Variants in PPM1H observed in about 807,000 individuals in gnomAD.
PPM1H encodes the protein protein phosphatase, Mg2+/Mn2+ dependent 1H, also known as protein phosphatase 1H.
Under a neutral mutation model 54.9 loss-of-function variants are expected in PPM1H, and 27 were observed. The observed-to-expected ratio is 0.49, with a 90% CI of 0.36 to 0.68. The LOEUF (loss-of-function observed/expected upper bound fraction) is 0.68. Among genes scored for constraint, PPM1H ranks in the 30% least tolerant of loss-of-function variants. PPM1H has a pLI of 0.00. For synonymous variants in PPM1H, 305 were observed against 270.8 expected (o/e 1.13, Z -1.24); for missense variants, 596 against 667.8 (o/e 0.89, Z 1.19).
chr12:62,857,222 TAACAAACA>T (rs10546839), intron 1 of PPM1H, among the ~76,000 whole-genome samples: 1 of 151,318 alleles, frequency 6.6e-6, no homozygotes, highest in East Asian at 2.0e-4. Flanking sequence ...TCAAATATTT[TAACAAACA>T]AACAAATAAA....
At chr12:62,845,558 T>A (rs912598567) in intron 1 of PPM1H, among the ~76,000 whole-genome samples, 1 of 152,196 alleles carries the variant, frequency 6.6e-6, no homozygotes, top group Non-Finnish European at 1.5e-5. Context: ...TTGACTTGAC[T>A]TCCTATCCCC....
At chr12:62,739,272 G>T (rs1483205785) in intron 4 of PPM1H, among the ~76,000 whole-genome samples, 3 of 152,168 alleles carry the variant, frequency 2.0e-5, no homozygotes, top group Non-Finnish European at 4.4e-5. Context: ...CCACTAAGGT[G>T]TTATCCACCA....
rs150358601 is a variant in PPM1H, at chr12:62,691,123, C to T, written c.1138-1317G>A. ...AAGTTTAGAGGAGGTAAAAATTCTA[C>T]TGAGAAGGCTCCACGGAGGAGGTGG... On this transcript the variant is annotated intron_variant, in intron 7 of 9. Transcript: ENST00000228705. Among the ~76,000 whole-genome samples the T allele has an allele frequency of 9.9e-5, 15 of 152,248 alleles. No individual in the cohort carries two copies. In the South Asian group the frequency reaches 1.7e-3, roughly 17 times the overall value.
At chr12:62,790,109 G>A (rs1468942354) in intron 3 of PPM1H, among the ~76,000 whole-genome samples, 1 of 152,204 alleles carries the variant, frequency 6.6e-6, no homozygotes, top group African/African-American at 2.4e-5. Flanking sequence ...CAGAGTTAGA[G>A]CTCAGCTGCT....
At chr12:62,808,506 G>A (rs1005444069) in intron 2 of PPM1H, among the ~76,000 whole-genome samples, 7 of 151,980 alleles carry the variant, frequency 4.6e-5, no homozygotes, top group Admixed American at 3.9e-4. Flanking sequence ...TCTTTTATGA[G>A]TCTAACAGCC....
At chr12:62,875,010 A>G (rs1329647572) in intron 1 of PPM1H, among the ~76,000 whole-genome samples, 1 of 152,202 alleles carries the variant, frequency 6.6e-6, no homozygotes, top group African/African-American at 2.4e-5. Context: ...GCCAAAGGGC[A>G]AGGGTTCTCT....
Position 62,934,832 on chromosome 12 carries a change from C to T in PPM1H, c.-96G>A. ...CATGCAGGCTGCGGTGGGCGCCGGG[C>T]GCACGGCGAGTCGGGCCACTGGGAC... On this transcript the variant is annotated 5_prime_UTR_variant, in exon 1 of 10. Coordinates refer to ENST00000228705, the MANE Select transcript of PPM1H (RefSeq NM_020700.2). This position sits in a 1 kb window ranked among gnomAD's most constrained non-coding sequence, Gnocchi z 4.2. 7 of 1,208,178 alleles carry T rather than the reference C, an allele frequency of 5.8e-6. No individual in the cohort carries two copies. The highest frequency in any genetic ancestry group is 7.3e-6 in the Non-Finnish European group (7 of 958,512). The allele number at this position is 1,208,178 out of a possible 1,614,324, so 74.8% of individuals were successfully genotyped here.
At chr12:62,762,198 G>A (rs1004050909) in intron 4 of PPM1H, among the ~76,000 whole-genome samples, 12 of 152,248 alleles carry the variant, frequency 7.9e-5, no homozygotes, top group African/African-American at 2.9e-4. Context: ...GGTCAGGTGA[G>A]TGTGCACAAA....
At chr12:62,678,084 C>T (rs1252572411) in intron 8 of PPM1H, among the ~76,000 whole-genome samples, 1 of 152,078 alleles carries the variant, frequency 6.6e-6, no homozygotes, top group Non-Finnish European at 1.5e-5. Context: ...GAAGCTGGTA[C>T]CACAGGTGCA....
At chr12:62,653,997 T>C (rs891647088) in intron 9 of PPM1H, among the ~76,000 whole-genome samples, 3 of 151,872 alleles carry the variant, frequency 2.0e-5, no homozygotes, top group Admixed American at 2.0e-4. Flanking sequence ...ATCCTAGCAC[T>C]CTGGGAGGTC....
chr12:62,920,916 A>AT (rs1592671784), intron 1 of PPM1H, among the ~76,000 whole-genome samples: 17 of 148,972 alleles, frequency 1.1e-4, no homozygotes, highest in East Asian at 3.9e-4. Context: ...TATGTAATTA[A>AT]TTAATTTATT....
intron 2 of PPM1H, among the ~76,000 whole-genome samples, chr12:62,808,251 T>G (rs2076816595): frequency 6.6e-6 from 1 of 152,206 alleles, no homozygotes; most frequent in Non-Finnish European, 1.5e-5. Flanking sequence ...TATCTGCATT[T>G]TATATTGTAG....
intron 7 of PPM1H, among the ~76,000 whole-genome samples, chr12:62,692,268 G>A (rs1041278827): frequency 6.6e-6 from 1 of 152,122 alleles, no homozygotes; most frequent in Non-Finnish European, 1.5e-5. Context: ...AGGCCAACAG[G>A]TACACGGACA....
chr12:62,660,234 AC>A (rs943738388), intron 9 of PPM1H, among the ~76,000 whole-genome samples: 1 of 152,238 alleles, frequency 6.6e-6, no homozygotes, highest in African/African-American at 2.4e-5. Context: ...GTGCCCTCCT[AC>A]CAAATTACAC....
At chr12:62,932,043 C>T (rs913095829) in intron 1 of PPM1H, among the ~76,000 whole-genome samples, 1 of 150,482 alleles carries the variant, frequency 6.6e-6, no homozygotes, top group African/African-American at 2.4e-5. Context: ...ACCCTCATTA[C>T]TCCTAGGGAG....
intron 2 of PPM1H, among the ~76,000 whole-genome samples, chr12:62,804,140 AAT>A (rs1355980152): frequency 3.9e-5 from 6 of 152,220 alleles, no homozygotes; most frequent in Non-Finnish European, 8.8e-5. Context: ...ACTTCTATTC[AAT>A]ATGATACTGG....
intron 1 of PPM1H, among the ~76,000 whole-genome samples, chr12:62,907,671 C>A (rs188070798): frequency 6.1e-4 from 93 of 152,306 alleles, no homozygotes; most frequent in African/African-American, 2.2e-3. Context: ...GCCTGAATCT[C>A]AATAGTGCTC....
At chr12:62,800,483 T>C (rs1021867769) in intron 3 of PPM1H, among the ~76,000 whole-genome samples, 17 of 152,238 alleles carry the variant, frequency 1.1e-4, no homozygotes, top group Admixed American at 3.3e-4. Flanking sequence ...ATTACAGGCA[T>C]GTGCCACCAC....
chr12:62,827,066 T>A (rs575301995), intron 2 of PPM1H, among the ~76,000 whole-genome samples: 1 of 152,226 alleles, frequency 6.6e-6, no homozygotes. Flanking sequence ...GCTGCAACTA[T>A]AATTTTCAAT....
Sources: allele counts gnomAD v4.1 joint callset (sites outside exome capture counted in the v4.1 genomes callset), GRCh38; gene constraint gnomAD v4.1.1; non-coding constraint Gnocchi (gnomAD v3.1); transcripts MANE v1.5; gene names NCBI Gene and HGNC (gene_info 2026-07-23, HGNC 2026-07-21).